NEMF: variants seen among roughly 807,000 people sequenced by gnomAD.
The protein encoded by NEMF is nuclear export mediator factor, also known as ribosome quality control complex subunit NEMF.
NEMF carries 89 observed loss-of-function variants against 162.2 expected under a neutral mutation model. The observed-to-expected ratio is 0.55, with a 90% CI of 0.46 to 0.65. The LOEUF (loss-of-function observed/expected upper bound fraction) is 0.65. Ranked by LOEUF, NEMF falls within the 30% of genes least tolerant of loss-of-function variation. The probability of loss-of-function intolerance (pLI) is 0.00; values close to 1 mark genes in which losing one functional copy is unlikely to be tolerated. For synonymous variants in NEMF, 421 were observed against 404.5 expected, an observed-to-expected ratio of 1.04 and a Z score of -0.49; for missense variants, 1,133 against 1,261.9, an observed-to-expected ratio of 0.90 and a Z score of 1.55.
Position 49,796,479 on chromosome 14 carries a change from T to A in NEMF, c.2466-535A>T, listed in dbSNP as rs372646948. 8.9e-4 allele frequency among the ~76,000 whole-genome samples: 135 copies of A among 152,244 alleles called. 2 individuals carry two copies. The South Asian group carries it at 0.021, about 24-fold the overall frequency. ...CCAGAGTCTACATACTCTGAATTTT[T>A]TTTTTTTAAAACGGAGTTTGTGCCA... On this transcript the variant is annotated intron_variant, in intron 25 of 32. Coordinates refer to ENST00000298310, the MANE Select transcript of NEMF (RefSeq NM_004713.6).
In NEMF at chr14:49,825,861, A is replaced by G; in HGVS notation, c.1577+6T>C. ...AAACTGTATTTGAAAGAGACAGAAC[A>G]CTTACCAATATACTTTTCTTGCTTT... On this transcript the variant is annotated splice_donor_region_variant and intron_variant, in intron 16 of 32. Transcript: ENST00000298310. The G allele has an allele frequency of 6.5e-7, 1 of 1,534,858 alleles. No homozygotes were observed. Among genetic ancestry groups the G allele is most frequent in the Non-Finnish European group, 9.0e-7 (1 of 1,114,282 alleles).
intron 4 of NEMF, chr14:49,845,932 A>C: frequency 1.8e-6 from 1 of 555,560 alleles, no homozygotes; most frequent in South Asian, 2.7e-5. Context: ...GCTATTCTAA[A>C]TGGCTAAAGT....
At chr14:49,811,654 C>T (rs1020276811) in intron 18 of NEMF, among the ~76,000 whole-genome samples, 1 of 152,120 alleles carries the variant, frequency 6.6e-6, no homozygotes, top group Non-Finnish European at 1.5e-5. Flanking sequence ...TTATCACAAA[C>T]AAATGTTGAA....
chr14:49,845,258 AATTTTTGT>A (rs1893442959), intron 4 of NEMF, among the ~76,000 whole-genome samples: 1 of 151,740 alleles, frequency 6.6e-6, no homozygotes, highest in African/African-American at 2.4e-5. Flanking sequence ...ACGCCCAGCT[AATTTTTGT>A]ATTTTTTAAT....
At chr14:49,798,636 C>T (rs1566657383) in intron 25 of NEMF, among the ~76,000 whole-genome samples, 4 of 152,138 alleles carry the variant, frequency 2.6e-5, no homozygotes, top group South Asian at 2.1e-4. Context: ...GGGCCAGGCG[C>T]GGTGGCTTAT....
intron 14 of NEMF, 66 bp from the exon 15 acceptor site, chr14:49,828,420 T>A: frequency 9.0e-7 from 1 of 1,111,424 alleles, no homozygotes; most frequent in Non-Finnish European, 1.3e-6. Context: ...TACTTAGTTC[T>A]AACTTGACAA....
intron 28 of NEMF, among the ~76,000 whole-genome samples, 168 bp downstream of exon 28, chr14:49,788,978 A>G (rs976693738): frequency 6.6e-6 from 1 of 152,326 alleles, no homozygotes; most frequent in Admixed American, 6.5e-5. Context: ...TCATGCTTAG[A>G]TAAGATACTG....
chr14:49,835,876 A>G (rs1324757171), intron 6 of NEMF, among the ~76,000 whole-genome samples: 1 of 152,252 alleles, frequency 6.6e-6, no homozygotes, highest in Non-Finnish European at 1.5e-5. Context: ...TGAAATTAAG[A>G]AAATTCCACT....
rs1419658401 is a variant in NEMF, at chr14:49,789,285, T to G, written c.2756A>C (p.Asp919Ala). Residue 919 changes from aspartate to alanine, a missense_variant, in exon 28 of 33, where the codon GAC (aspartate) becomes GCC (alanine). Asp to Ala is a moderately radical substitution (Grantham distance 126). Transcript: ENST00000298310. ...CTGGGGCTGTTTCTTCACAGGTTCG[T>G]CCTTTGTTTTTCCTTTCTTCCCCTT... ...GKKGKKGKTK[D>A]EPVKKQPQKP... 3 of 1,614,216 alleles carry G rather than the reference T, an allele frequency of 1.9e-6. No individual in the cohort carries two copies. Among genetic ancestry groups the G allele is most frequent in the Non-Finnish European group, 2.5e-6 (3 of 1,180,048 alleles).
At chr14:49,840,159 A>G (rs1021949754) in intron 5 of NEMF, among the ~76,000 whole-genome samples, 3 of 151,596 alleles carry the variant, frequency 2.0e-5, no homozygotes, top group African/African-American at 7.3e-5. Flanking sequence ...GTGAGACACC[A>G]CCTCTAAAAA....
At chr14:49,846,046 GA>G (rs1411020119) in intron 4 of NEMF, 93 bp downstream of exon 4, 64 of 1,079,984 alleles carry the variant, frequency 5.9e-5, no homozygotes, top group South Asian at 6.5e-5. Context: ...CTTTGACACA[GA>G]AAAAAAATGT....
In NEMF at chr14:49,784,939, A is replaced by G. The variant is rs756397264; in HGVS notation, c.3139T>C (p.Phe1047Leu). 16 of 1,613,610 alleles carry G rather than the reference A, an allele frequency of 9.9e-6. No individual in the cohort carries two copies. The highest frequency in any genetic ancestry group is 1.7e-5 in the Admixed American group (1 of 59,994). Residue 1047 changes from phenylalanine to leucine, a missense_variant, in exon 32 of 33, where the codon TTC (phenylalanine) becomes CTC (leucine). Coordinates refer to ENST00000298310, the MANE Select transcript of NEMF (RefSeq NM_004713.6). ...GAGAACTTTACCTTTACGCTGCGGA[A>G]TAAGTCTTTTTCTCTTGCTGTTGCT... The part of the protein sequence containing the change: ...KEATAREKDL[F>L]RSVKDTDLSR...
chr14:49,831,800 T>G (rs142346332), intron 10 of NEMF, among the ~76,000 whole-genome samples: 9 of 152,298 alleles, frequency 5.9e-5, no homozygotes, highest in African/African-American at 1.9e-4. Context: ...TGAACAGATT[T>G]CCGGTAAATG....
chr14:49,834,505 T>C, intron 6 of NEMF, 56 bp from the exon 7 acceptor site: 11 of 1,324,528 alleles, frequency 8.3e-6, no homozygotes, highest in Non-Finnish European at 1.2e-5. Context: ...TTTTTTGTTT[T>C]TGTTTTTTGA....
At chr14:49,814,690 T>A in intron 17 of NEMF, 64 bp downstream of exon 17, 1 of 812,958 alleles carries the variant, frequency 1.2e-6, no homozygotes, top group Non-Finnish European at 2.0e-6. Flanking sequence ...AATCAATGCC[T>A]AATATTGAGA....
At chr14:49,806,292 C>T (rs1467305079) in intron 18 of NEMF, among the ~76,000 whole-genome samples, 159 bp from the exon 19 acceptor site, 11 of 59,872 alleles carry the variant, frequency 1.8e-4, no homozygotes, top group African/African-American at 3.2e-4. Flanking sequence ...GATGGAGTTT[C>T]GCTCTGTTGT....
At position 49,813,970 on chromosome 14, in the gene NEMF, T is replaced by A. The variant is rs3126195; in HGVS notation, c.1744+18A>T. 0.99 allele frequency: 1,376,894 copies of A among 1,394,614 alleles called. 681,214 individuals carry two copies. The highest frequency in any genetic ancestry group is 1 in the Non-Finnish European group (983,100 of 983,470). The allele number at this position is 1,394,614 out of a possible 1,614,324, so 86.4% of individuals were successfully genotyped here. A position where few individuals can be genotyped will look rare whatever the true frequency, so the allele number is the denominator to read the frequency against. On this transcript the variant is annotated intron_variant, in intron 18 of 32. Coordinates refer to ENST00000298310, the MANE Select transcript of NEMF (RefSeq NM_004713.6). Reference sequence around the variant, plus strand: ...TAAAGAAAGGAACAGGAATTCTGAATAGAAAGAAATATATTACCTGTTGGA... The same window carrying A: ...TAAAGAAAGGAACAGGAATTCTGAAAAGAAAGAAATATATTACCTGTTGGA...
chr14:49,808,210 T>C (rs1189624494), intron 18 of NEMF, among the ~76,000 whole-genome samples: 5 of 152,170 alleles, frequency 3.3e-5, no homozygotes, highest in African/African-American at 1.2e-4. Flanking sequence ...ATTTCGCTCA[T>C]TGCCCAGGCT....
chr14:49,813,262 G>C (rs1891563262), intron 18 of NEMF, among the ~76,000 whole-genome samples: 1 of 152,160 alleles, frequency 6.6e-6, no homozygotes, highest in South Asian at 2.1e-4. Flanking sequence ...GCAGCATTTT[G>C]AATCTGTGAT....
Sources: gnomAD v4.1 joint callset for allele counts (sites outside exome capture counted in the v4.1 genomes callset) on GRCh38, gnomAD v4.1.1 for gene constraint, MANE v1.5 for transcripts, NCBI Gene and HGNC (gene_info 2026-07-23, HGNC 2026-07-21) for gene names.